STX6: variants seen among roughly 807,000 people sequenced by gnomAD.
The protein encoded by STX6 is syntaxin 6, also known as syntaxin-6.
Under a neutral mutation model 38.0 loss-of-function variants are expected in STX6, and 23 were observed. The ratio of observed to expected loss-of-function variants is 0.60; its 90% confidence interval spans 0.43 to 0.86. The LOEUF is 0.86. STX6 is among the 40% of genes least tolerant of loss of function. STX6 has a pLI of 0.00. For synonymous variants in STX6, 123 were observed against 107.5 expected (o/e 1.14, Z -0.89); for missense variants, 274 against 312.9 (o/e 0.88, Z 0.94).
At chr1:181,001,085 C>A (rs998506915) in intron 3 of STX6, among the ~76,000 whole-genome samples, 1 of 152,112 alleles carries the variant, frequency 6.6e-6, no homozygotes, top group East Asian at 1.9e-4. Context: ...TATCTATAAA[C>A]AATTTACGTA....
chr1:181,013,980 G>A (rs1187189954), intron 1 of STX6, among the ~76,000 whole-genome samples: 3 of 152,202 alleles, frequency 2.0e-5, no homozygotes, highest in African/African-American at 7.2e-5. Flanking sequence ...TTAAGCTTCA[G>A]GAGTCAAGCA....
chr1:180,986,145 T>C lies in STX6; in HGVS notation c.597-1374A>G, dbSNP rs116640323. Among the ~76,000 whole-genome samples the C allele has an allele frequency of 5.9e-3, 897 of 152,340 alleles. 14 individuals are homozygous for C. The highest frequency in any genetic ancestry group is 0.021 in the African/African-American group (865 of 41,570). On this transcript the variant is annotated intron_variant, in intron 6 of 7. Transcript: ENST00000258301. ...CAAAACAGGCACATCATCAGGCACATCATCCGACCTTCAGTCCATGGACAC... is the reference window on the plus strand; with the variant it reads ...CAAAACAGGCACATCATCAGGCACACCATCCGACCTTCAGTCCATGGACAC...
intron 3 of STX6, among the ~76,000 whole-genome samples, chr1:181,000,728 C>T (rs955191322): frequency 2.6e-5 from 4 of 151,988 alleles, no homozygotes; most frequent in Non-Finnish European, 2.9e-5. Context: ...TTTTAATATA[C>T]GAACCTCTAA....
At chr1:180,978,761 C>T (rs1019200245) in intron 7 of STX6, among the ~76,000 whole-genome samples, 4 of 152,178 alleles carry the variant, frequency 2.6e-5, no homozygotes, top group African/African-American at 7.2e-5. Context: ...GTGAAGTTCA[C>T]GGGCCAGGGG....
chr1:180,995,404 A>T (rs1483143703), intron 3 of STX6, among the ~76,000 whole-genome samples: 1 of 152,194 alleles, frequency 6.6e-6, no homozygotes, highest in Non-Finnish European at 1.5e-5. Context: ...AGAGAAACTG[A>T]TCACTATGCT....
intron 3 of STX6, among the ~76,000 whole-genome samples, chr1:181,001,667 C>A (rs573048468): frequency 3.3e-5 from 5 of 152,182 alleles, no homozygotes; most frequent in East Asian, 1.9e-4. Flanking sequence ...TTCAACAATG[C>A]GAAGTGATTA....
intron 1 of STX6, among the ~76,000 whole-genome samples, chr1:181,010,774 TGTC>T (rs375776042): frequency 1.4e-3 from 206 of 152,214 alleles, no homozygotes; most frequent in African/African-American, 4.8e-3. Context: ...TCAGTGCAAA[TGTC>T]AACATGGTGA....
chr1:180,986,502 G>GCACAGGTCT (rs928688998), intron 6 of STX6, among the ~76,000 whole-genome samples: 125 of 152,292 alleles, frequency 8.2e-4, no homozygotes, highest in African/African-American at 2.9e-3. Context: ...ATACTGGATG[G>GCACAGGTCT]CACAGGTCTA....
chr1:181,018,779 C>T lies in STX6; in HGVS notation c.35+3860G>A, dbSNP rs559799549. 7.2e-5 allele frequency among the ~76,000 whole-genome samples: 11 copies of T among 152,280 alleles called. No individual in the cohort carries two copies. In the South Asian group the frequency reaches 2.1e-3, roughly 29 times the overall value. On this transcript the variant is annotated intron_variant, in intron 1 of 7. Coordinates refer to ENST00000258301, the MANE Select transcript of STX6 (RefSeq NM_005819.6). ...TTCATCTTTCCTCACACTGATGCAT[C>T]CAACACTACCACCAAATCAATATTC... is the stretch of plus-strand genomic sequence containing the variant.
chr1:181,019,004 C>T (rs1031236728), intron 1 of STX6, among the ~76,000 whole-genome samples: 2 of 152,164 alleles, frequency 1.3e-5, no homozygotes, highest in African/African-American at 4.8e-5. Flanking sequence ...AGTAAGTTAA[C>T]CCCTCTAACA....
Position 180,976,507 on chromosome 1 carries a change from C to T in STX6, c.*63G>A. On this transcript the variant is annotated 3_prime_UTR_variant, in exon 8 of 8. Coordinates refer to ENST00000258301, the MANE Select transcript of STX6 (RefSeq NM_005819.6). ...TGAGTAGACGGCAATGTCACACGTG[C>T]TCAGCTTCTCCTCCTCCCCTCGGTT... The T allele has an allele frequency of 2.8e-6, 4 of 1,428,300 alleles. No homozygotes were observed. Among genetic ancestry groups the T allele is most frequent in the South Asian group, 2.3e-5 (2 of 87,318 alleles). 88.5% of individuals were successfully genotyped at this position (1,428,300 alleles called of 1,614,324 possible).
In STX6 at chr1:181,017,262, G is replaced by A. The variant is rs185591897; in HGVS notation, c.35+5377C>T. On this transcript the variant is annotated intron_variant, in intron 1 of 7. Coordinates refer to ENST00000258301, the MANE Select transcript of STX6 (RefSeq NM_005819.6). ...AAAAAAATTAGCTGGGCGTGGTGGCGGGCACCTGTAGTCCCAGCTACTCAG... is the reference window on the plus strand; with the variant it reads ...AAAAAAATTAGCTGGGCGTGGTGGCAGGCACCTGTAGTCCCAGCTACTCAG... Among the ~76,000 whole-genome samples, 288 of 151,380 alleles carry A rather than the reference G, an allele frequency of 1.9e-3. 4 individuals carry two copies. The highest frequency in any genetic ancestry group is 0.017 in the East Asian group (86 of 5,108).
chr1:180,988,352 C>T lies in STX6; in HGVS notation c.490-7G>A. 1 of 1,609,076 alleles carries T rather than the reference C, an allele frequency of 6.2e-7. No homozygotes were observed. Among genetic ancestry groups the T allele is most frequent in the Non-Finnish European group, 8.5e-7 (1 of 1,175,874 alleles). Reference sequence around the variant, plus strand: ...CCTGCTGTTCCACGATCAACTGGTGCCAGAGAAATGGGAAATAAGCAATTA... The same window carrying T: ...CCTGCTGTTCCACGATCAACTGGTGTCAGAGAAATGGGAAATAAGCAATTA... On this transcript the variant is annotated splice_region_variant and splice_polypyrimidine_tract_variant and intron_variant, in intron 5 of 7. Transcript: ENST00000258301.
intron 1 of STX6, among the ~76,000 whole-genome samples, chr1:181,012,617 T>C (rs1473753508): frequency 6.6e-6 from 1 of 151,470 alleles, no homozygotes; most frequent in East Asian, 1.9e-4. Context: ...CTTTGAAGAA[T>C]GCATCTTTTG....
chr1:181,019,466 C>A (rs1201028832), intron 1 of STX6, among the ~76,000 whole-genome samples: 1 of 151,968 alleles, frequency 6.6e-6, no homozygotes, highest in Non-Finnish European at 1.5e-5. Flanking sequence ...TTCCTGGAGG[C>A]AAGGGAGATG....
chr1:180,976,561 G>A lies in STX6; in HGVS notation c.*9C>T, dbSNP rs1409349298. 1.9e-6 allele frequency: 3 copies of A among 1,613,058 alleles called. No homozygotes were observed. The highest frequency in any genetic ancestry group is 2.5e-6 in the Non-Finnish European group (3 of 1,179,700). ...ATGCAGGAGGAACTCGCACCCAGAG[G>A]CCCCGCCGTCACAGCACTAAGAAGA... On this transcript the variant is annotated 3_prime_UTR_variant, in exon 8 of 8. Transcript: ENST00000258301.
intron 5 of STX6, 145 bp from the exon 6 acceptor site, chr1:180,988,490 T>C (rs1051684553): frequency 8.1e-6 from 5 of 618,846 alleles, no homozygotes; most frequent in East Asian, 3.0e-5. Flanking sequence ...GACCAGACCG[T>C]TGCCTCTGAG....
At chr1:180,980,374 G>A (rs558636672) in intron 7 of STX6, among the ~76,000 whole-genome samples, 38 of 152,146 alleles carry the variant, frequency 2.5e-4, no homozygotes, top group African/African-American at 8.9e-4. Context: ...GCAAGGATGT[G>A]GAGCAATATT....
chr1:181,008,553 T>C (rs1656293955), intron 1 of STX6, among the ~76,000 whole-genome samples: 1 of 152,158 alleles, frequency 6.6e-6, no homozygotes, highest in Non-Finnish European at 1.5e-5. Flanking sequence ...CATCAAATAG[T>C]GGTCATTAGG....
Sources: gnomAD v4.1 joint callset for allele counts (sites outside exome capture counted in the v4.1 genomes callset) on GRCh38, gnomAD v4.1.1 for gene constraint, MANE v1.5 for transcripts, NCBI Gene and HGNC (gene_info 2026-07-23, HGNC 2026-07-21) for gene names.